CCNH: variants seen among roughly 807,000 people sequenced by gnomAD.
CCNH encodes the protein cyclin-H.
In CCNH, 31 loss-of-function variants were observed where a neutral mutation model predicts 41.9. The ratio of observed to expected loss-of-function variants is 0.74; its 90% CI spans 0.56 to 1.00. The LOEUF is 1.00. CCNH is among the 50% of genes least tolerant of loss of function. The probability of loss-of-function intolerance (pLI) is 0.00; values close to 1 mark genes in which losing one functional copy is unlikely to be tolerated. For missense variants in CCNH, 362 were observed against 388.4 expected, an observed-to-expected ratio of 0.93 and a Z score of 0.57; for synonymous variants, 138 against 136.1, an observed-to-expected ratio of 1.01 and a Z score of -0.10.
intron 9 of CCNH, among the ~76,000 whole-genome samples, chr5:87,356,398 T>C (rs533142759): frequency 1.3e-5 from 2 of 151,806 alleles, no homozygotes; most frequent in Admixed American, 1.3e-4. Context: ...TTTTTTTTTT[T>C]CTCCCTCCGG....
chr5:87,406,390 C>T (rs1763791574), intron 4 of CCNH, among the ~76,000 whole-genome samples: 1 of 152,298 alleles, frequency 6.6e-6, no homozygotes, highest in East Asian at 1.9e-4. Flanking sequence ...AAAAAACTCT[C>T]ACCCAGTCAG....
intron 9 of CCNH, among the ~76,000 whole-genome samples, chr5:87,334,422 T>A (rs1757816276): frequency 6.6e-6 from 1 of 152,210 alleles, no homozygotes; most frequent in South Asian, 2.1e-4. Flanking sequence ...CTGATTCAAA[T>A]GCTAATCTTA....
intron 9 of CCNH, among the ~76,000 whole-genome samples, chr5:87,348,989 T>C (rs1193112047): frequency 6.6e-6 from 1 of 151,902 alleles, no homozygotes; most frequent in African/African-American, 2.4e-5. Flanking sequence ...TATTTTTATG[T>C]ATTAAAGCTG....
At chr5:87,326,284 A>G (rs1757224423) in intron 9 of CCNH, among the ~76,000 whole-genome samples, 1 of 152,146 alleles carries the variant, frequency 6.6e-6, no homozygotes. Context: ...GCACACATTT[A>G]TAAAAAATGT....
At chr5:87,356,500 C>T (rs2112440149) in intron 9 of CCNH, among the ~76,000 whole-genome samples, 1 of 152,096 alleles carries the variant, frequency 6.6e-6, no homozygotes, top group African/African-American at 2.4e-5. Flanking sequence ...AGCAATCCTC[C>T]TGCCTCAGGC....
downstream of CCNH, chr5:87,391,774 CTT>C (rs1762543945): frequency 4.3e-6 from 1 of 231,954 alleles, no homozygotes; most frequent in African/African-American, 2.2e-5. Context: ...AGCTGCCTAA[CTT>C]ATCCATCTTT....
upstream of CCNH, chr5:87,379,961 A>C (rs2112499344): frequency 2.7e-6 from 3 of 1,116,858 alleles, no homozygotes; most frequent in African/African-American, 1.6e-5. Flanking sequence ...TATACTCTGA[A>C]AAAGTCATGG....
At chr5:87,361,612 T>A (rs1326237984) in intron 9 of CCNH, among the ~76,000 whole-genome samples, 2 of 152,162 alleles carry the variant, frequency 1.3e-5, no homozygotes. Context: ...TCTGGAAAGA[T>A]CATGATAAAG....
intron 9 of CCNH, among the ~76,000 whole-genome samples, chr5:87,332,113 T>C (rs1757651932): frequency 6.6e-6 from 1 of 152,154 alleles, no homozygotes; most frequent in East Asian, 1.9e-4. Flanking sequence ...ACATGTAGTA[T>C]GTGAAATTAT....
downstream of CCNH, among the ~76,000 whole-genome samples, chr5:87,314,655 T>A (rs1225279988): frequency 1.3e-5 from 2 of 152,012 alleles, no homozygotes; most frequent in Non-Finnish European, 2.9e-5. Context: ...GTATCTGGAT[T>A]GATGTTAATG....
chr5:87,357,808 T>G (rs1260952002), intron 9 of CCNH, among the ~76,000 whole-genome samples: 4 of 152,224 alleles, frequency 2.6e-5, no homozygotes, highest in Non-Finnish European at 5.9e-5. Flanking sequence ...GCCTTGCTCT[T>G]GTGTTAGTTT....
At chr5:87,389,469 T>G (rs755256220), downstream of CCNH, 1 of 1,614,178 alleles carries the variant, frequency 6.2e-7, no homozygotes. Context: ...TTGCATGAGA[T>G]TTGCGTGGCT....
chr5:87,333,874 CA>C (rs1232871179), intron 9 of CCNH, among the ~76,000 whole-genome samples: 5 of 151,982 alleles, frequency 3.3e-5, no homozygotes, highest in African/African-American at 1.2e-4. Context: ...CTTACTGACA[CA>C]TTTTTATTTG....
chr5:87,338,022 A>G lies in CCNH; in HGVS notation c.*91-19125T>C, dbSNP rs2112386598. 6.2e-7 allele frequency: 1 copy of G among 1,611,966 alleles called. No homozygotes were observed. The highest frequency in any genetic ancestry group is 8.5e-7 in the Non-Finnish European group (1 of 1,178,908). On this transcript the variant is annotated intron_variant and NMD_transcript_variant, in intron 9 of 9. Transcript: ENST00000645953. The stretch of plus-strand genomic sequence containing the variant: ...TTGTTCATAATGAATTAGAAGATGG[A>G]TGGATGTGGGTTACAAATTTAAGAA...
chr5:87,363,255 G>A, intron 9 of CCNH: 1 of 1,150,346 alleles, frequency 8.7e-7, no homozygotes, highest in South Asian at 1.4e-5. Context: ...AATAAAAATT[G>A]ATTGATTCAT....
At chr5:87,396,378 T>C (rs1762962259) in intron 7 of CCNH, among the ~76,000 whole-genome samples, 2 of 152,048 alleles carry the variant, frequency 1.3e-5, no homozygotes, top group South Asian at 2.1e-4. Flanking sequence ...TCCCAGCACT[T>C]TGGGAGGCTG....
intron 9 of CCNH, chr5:87,383,704 C>T (rs781156239): frequency 6.2e-7 from 1 of 1,603,508 alleles, no homozygotes; most frequent in Non-Finnish European, 8.5e-7. Flanking sequence ...AAATTTCCCT[C>T]CCATTCAGTG....
chr5:87,363,556 A>G, intron 9 of CCNH: 1 of 1,576,586 alleles, frequency 6.3e-7, no homozygotes, highest in Non-Finnish European at 8.7e-7. Context: ...ATAATAAAAT[A>G]GTACAAACAA....
At chr5:87,404,676 AC>A (rs1179915040) in intron 5 of CCNH, among the ~76,000 whole-genome samples, 167 bp downstream of exon 5, 4 of 152,184 alleles carry the variant, frequency 2.6e-5, no homozygotes, top group Non-Finnish European at 1.5e-5. Flanking sequence ...TCTTAGTTTA[AC>A]AGTATTTTTC....
Sources: gnomAD v4.1 joint callset for allele counts (sites outside exome capture counted in the v4.1 genomes callset) on GRCh38, gnomAD v4.1.1 for gene constraint, MANE v1.5 for transcripts, NCBI Gene and HGNC (gene_info 2026-07-23, HGNC 2026-07-21) for gene names.